Variants in DNAJC12 observed in about 807,000 individuals in gnomAD.
DNAJC12 encodes dnaJ homolog subfamily C member 12.
A neutral mutation model predicts 28.5 loss-of-function variants in DNAJC12; 25 were observed. The observed-to-expected ratio is 0.88, with a 90% confidence interval of 0.64 to 1.22. The LOEUF (loss-of-function observed/expected upper bound fraction) is 1.22, where lower values mean the gene tolerates loss of function less well. Among genes scored for constraint, DNAJC12 ranks in the 50% most tolerant of loss-of-function variants. The pLI is 0.00. For missense variants in DNAJC12, 222 were observed against 231.7 expected (o/e 0.96, Z 0.27); for synonymous variants, 77 against 80.6 (o/e 0.95, Z 0.24).
intron 1 of DNAJC12, chr10:67,833,934 A>T (rs929953883): frequency 4.2e-5 from 20 of 471,698 alleles, no homozygotes; most frequent in South Asian, 1.2e-4. Context: ...TGAACCCAAA[A>T]TGACAAAACA....
intron 3 of DNAJC12, among the ~76,000 whole-genome samples, chr10:67,807,755 A>G (rs1564858973): frequency 6.6e-6 from 1 of 152,214 alleles, no homozygotes; most frequent in Non-Finnish European, 1.5e-5. Flanking sequence ...TTCTCTCTTG[A>G]AATCAAAGTA....
At chr10:67,829,900 T>C (rs1240450049) in intron 1 of DNAJC12, among the ~76,000 whole-genome samples, 3 of 152,066 alleles carry the variant, frequency 2.0e-5, no homozygotes, top group Non-Finnish European at 4.4e-5. Context: ...ATATGTGCAA[T>C]ATATTATGTT....
At position 67,797,592 on chromosome 10, in the gene DNAJC12, T is replaced by A. The variant is rs539459516; in HGVS notation, c.503-382A>T. On this transcript the variant is annotated intron_variant, in intron 4 of 4. Transcript: ENST00000225171. Reference sequence around the variant, plus strand: ...TCGCTTGAAATACAAGTACTATAATTGAATTCCATGGTAATAAGATTTTTT... The same window carrying A: ...TCGCTTGAAATACAAGTACTATAATAGAATTCCATGGTAATAAGATTTTTT... Among the ~76,000 whole-genome samples the A allele has an allele frequency of 1.4e-4, 22 of 152,282 alleles. No homozygotes were observed. In the South Asian group the frequency reaches 2.5e-3, roughly 17 times the overall value.
intron 2 of DNAJC12, among the ~76,000 whole-genome samples, chr10:67,817,524 C>A (rs1047172335): frequency 6.6e-6 from 1 of 152,206 alleles, no homozygotes; most frequent in Non-Finnish European, 1.5e-5. Flanking sequence ...ATTTCAAAAT[C>A]TTTCCATTAC....
chr10:67,798,436 T>G (rs1841702213), intron 4 of DNAJC12, among the ~76,000 whole-genome samples: 2 of 151,960 alleles, frequency 1.3e-5, no homozygotes, highest in Non-Finnish European at 2.9e-5. Context: ...TCCTAGCACT[T>G]TGGGAGGCCG....
At chr10:67,798,542 C>T (rs1841703623) in intron 4 of DNAJC12, among the ~76,000 whole-genome samples, 1 of 151,772 alleles carries the variant, frequency 6.6e-6, no homozygotes, top group Non-Finnish European at 1.5e-5. Flanking sequence ...ATTAGGCGGG[C>T]GTGGTGGTAT....
At chr10:67,814,449 T>G (rs1375675542) in intron 2 of DNAJC12, among the ~76,000 whole-genome samples, 10 of 150,910 alleles carry the variant, frequency 6.6e-5, no homozygotes, top group African/African-American at 1.5e-4. Context: ...TGACCTCAGC[T>G]TAGGCAAGAG....
intron 4 of DNAJC12, among the ~76,000 whole-genome samples, chr10:67,797,538 T>C (rs998630477): frequency 6.6e-6 from 1 of 152,164 alleles, no homozygotes; most frequent in African/African-American, 2.4e-5. Context: ...CAAAAACCTT[T>C]CAAAAGTTAA....
At chr10:67,816,599 A>G (rs933657718) in intron 2 of DNAJC12, among the ~76,000 whole-genome samples, 1 of 144,022 alleles carries the variant, frequency 6.9e-6, no homozygotes, top group African/African-American at 2.7e-5. Flanking sequence ...AGGCTGGAGC[A>G]CTGTGACACA....
intron 1 of DNAJC12, chr10:67,833,762 C>T: frequency 2.1e-6 from 1 of 474,244 alleles, no homozygotes; most frequent in Non-Finnish European, 4.3e-6. Context: ...CAGCTATAGC[C>T]ATGGCCAGTA....
At chr10:67,825,192 T>C (rs998260723) in intron 1 of DNAJC12, 1 of 152,264 alleles carries the variant, frequency 6.6e-6, no homozygotes, top group South Asian at 2.1e-4. Flanking sequence ...TAATAGTGGC[T>C]ATTATTAAAT....
At chr10:67,806,621 C>T (rs538300347) in intron 3 of DNAJC12, among the ~76,000 whole-genome samples, 3 of 152,066 alleles carry the variant, frequency 2.0e-5, no homozygotes, top group East Asian at 1.9e-4. Flanking sequence ...GCAAGGAGTT[C>T]GAGACCATCC....
In DNAJC12 at chr10:67,808,047, G is replaced by C. The variant is rs534666170; in HGVS notation, c.298-2260C>G. 2.0e-5 allele frequency among the ~76,000 whole-genome samples: 3 copies of C among 152,312 alleles called. No individual in the cohort carries two copies. In the East Asian group the frequency reaches 5.8e-4, roughly 29 times the overall value. ...AGAGTGATGCTAAGCAGCCTGGTTT[G>C]CTGGGACACAGTTAGATAGTCTGCA... is the stretch of plus-strand genomic sequence containing the variant. On this transcript the variant is annotated intron_variant, in intron 3 of 4. Coordinates refer to ENST00000225171, the MANE Select transcript of DNAJC12 (RefSeq NM_021800.3).
At chr10:67,831,757 T>TTTTTG (rs747622100) in intron 1 of DNAJC12, among the ~76,000 whole-genome samples, 6 of 152,344 alleles carry the variant, frequency 3.9e-5, no homozygotes, top group East Asian at 1.9e-4. Flanking sequence ...ATGTCTCACC[T>TTTTTG]TTTTGTTTTG....
At chr10:67,822,102 C>T (rs73271989) in intron 2 of DNAJC12, among the ~76,000 whole-genome samples, 1,534 of 152,180 alleles carry the variant, frequency 0.01, 26 homozygotes, top group African/African-American at 0.033. Flanking sequence ...TGGGAGCCAT[C>T]AAAAGAGCTG....
intron 3 of DNAJC12, among the ~76,000 whole-genome samples, chr10:67,807,459 T>C (rs1164763923): frequency 1.4e-4 from 21 of 152,138 alleles, no homozygotes; most frequent in Admixed American, 1.4e-3. Flanking sequence ...ATAAAAACGT[T>C]AATTTTTAAA....
In DNAJC12 at chr10:67,811,636, G is replaced by A. The variant is rs764748975; in HGVS notation, c.185C>T (p.Ala62Val). 1 of 1,613,348 alleles carries A rather than the reference G, an allele frequency of 6.2e-7. No individual in the cohort carries two copies. The highest frequency in any genetic ancestry group is 1.3e-5 in the African/African-American group (1 of 74,996). The change falls in exon 3 of 5, where the codon GCA (alanine) becomes GTA (valine). Residue 62 changes from alanine to valine, a missense_variant. Transcript: ENST00000225171. Reference sequence around the variant, plus strand: ...CTCTTCATTGGTCAGAATCTCCTTTGCCTTCTGCAGTTTCTGAAAAGTCTC... The same window carrying A: ...CTCTTCATTGGTCAGAATCTCCTTTACCTTCTGCAGTTTCTGAAAAGTCTC... ...AVETFQKLQKAKEILTNEESR... is the reference protein window; with the variant it reads ...AVETFQKLQKVKEILTNEESR...
chr10:67,819,226 G>C (rs1210966796), intron 2 of DNAJC12, among the ~76,000 whole-genome samples: 1 of 152,054 alleles, frequency 6.6e-6, no homozygotes, highest in Admixed American at 6.5e-5. Context: ...CCAGCTACTC[G>C]GGAGGCTGAG....
At chr10:67,809,347 T>C (rs1299539101) in intron 3 of DNAJC12, among the ~76,000 whole-genome samples, 4 of 152,172 alleles carry the variant, frequency 2.6e-5, no homozygotes, top group African/African-American at 7.2e-5. Context: ...TCTGGAATCC[T>C]GGGATAACTC....
Sources: allele counts gnomAD v4.1 joint callset (sites outside exome capture counted in the v4.1 genomes callset), GRCh38; gene constraint gnomAD v4.1.1; transcripts MANE v1.5; gene names NCBI Gene and HGNC (gene_info 2026-07-23, HGNC 2026-07-21).